The following OPCML variants were observed in gnomAD, a reference collection of about 807,000 sequenced individuals.
OPCML encodes opioid-binding protein/cell adhesion molecule.
OPCML carries 13 observed loss-of-function variants against 37.8 expected under a neutral mutation model. That is an observed-to-expected ratio of 0.34 (90% CI 0.22 to 0.55). OPCML has a LOEUF of 0.55. Among genes scored for constraint, OPCML ranks in the 20% least tolerant of loss-of-function variants. The pLI is 0.91. For missense variants in OPCML, 341 were observed against 435.6 expected (o/e 0.78, Z 1.93); for synonymous variants, 176 against 168.8 (o/e 1.04, Z -0.33).
chr11:133,355,859 G>T (rs1414817666), intron 1 of OPCML, among the ~76,000 whole-genome samples: 2 of 152,204 alleles, frequency 1.3e-5, no homozygotes, highest in African/African-American at 4.8e-5. Flanking sequence ...AGCAAGGTCT[G>T]CAGTTCACAG....
rs1169887839 is a variant in OPCML, at chr11:132,418,059, G to A, written c.*2134C>T. 2 of 152,294 alleles carry A rather than the reference G, an allele frequency of 1.3e-5. No individual in the cohort carries two copies. Among genetic ancestry groups the A allele is most frequent in the Non-Finnish European group, 2.9e-5 (2 of 68,024 alleles). 9.4% of individuals were successfully genotyped at this position (152,294 alleles called of 1,614,324 possible). ...CCTATGTTTGTATGTATGTATATATGTATAGATATCTCTGTGTGTGTTTCC... is the reference window on the plus strand; with the variant it reads ...CCTATGTTTGTATGTATGTATATATATATAGATATCTCTGTGTGTGTTTCC... On this transcript the variant is annotated 3_prime_UTR_variant, in exon 8 of 8. Transcript: ENST00000524381.
intron 3 of OPCML, among the ~76,000 whole-genome samples, chr11:132,541,693 A>G (rs540501335): frequency 2.6e-5 from 4 of 152,282 alleles, no homozygotes; most frequent in African/African-American, 9.6e-5. Context: ...GGGGTTAAAT[A>G]ACTTGCTAAA....
chr11:133,220,570 A>G (rs955862245), intron 1 of OPCML, among the ~76,000 whole-genome samples: 2 of 152,130 alleles, frequency 1.3e-5, no homozygotes, highest in Non-Finnish European at 2.9e-5. Context: ...TGAAGCCAGC[A>G]CATGCTTCCT....
chr11:132,795,575 C>T lies in OPCML; in HGVS notation c.147-138256G>A, dbSNP rs576258887. On this transcript the variant is annotated intron_variant, in intron 2 of 7. Coordinates refer to ENST00000524381, the MANE Select transcript of OPCML (RefSeq NM_001012393.5). ...GTCCCCAAGTCTCTGCACTCCTACT[C>T]CCTGCCTGCCCTAGGAAGCCATGTA... is the stretch of plus-strand genomic sequence containing the variant. 3.8e-4 allele frequency among the ~76,000 whole-genome samples: 58 copies of T among 152,326 alleles called. No homozygotes were observed. In the South Asian group the frequency reaches 0.011, roughly 29 times the overall value.
intron 2 of OPCML, among the ~76,000 whole-genome samples, chr11:132,752,045 T>G (rs1388083275): frequency 6.6e-6 from 1 of 152,134 alleles, no homozygotes; most frequent in Non-Finnish European, 1.5e-5. Flanking sequence ...TACAGAACAA[T>G]GCTTCTCTAG....
chr11:133,117,142 G>T (rs1192702700), intron 1 of OPCML, among the ~76,000 whole-genome samples: 1 of 151,974 alleles, frequency 6.6e-6, no homozygotes, highest in African/African-American at 2.4e-5. Context: ...TCCCAGATTT[G>T]GTTAATGGGA....
At chr11:133,491,157 G>A (rs1472785624) in intron 1 of OPCML, among the ~76,000 whole-genome samples, 2 of 152,206 alleles carry the variant, frequency 1.3e-5, no homozygotes, top group African/African-American at 2.4e-5. Context: ...GTCGGATGAT[G>A]CCCAGGTCGA....
intron 3 of OPCML, among the ~76,000 whole-genome samples, chr11:132,548,926 T>C (rs1004853514): frequency 6.6e-6 from 1 of 152,206 alleles, no homozygotes; most frequent in Non-Finnish European, 1.5e-5. Flanking sequence ...GAGACAATAT[T>C]ATCCTCACTC....
At chr11:132,583,954 T>C (rs934069156) in intron 3 of OPCML, among the ~76,000 whole-genome samples, 1 of 152,016 alleles carries the variant, frequency 6.6e-6, no homozygotes, top group African/African-American at 2.4e-5. Flanking sequence ...TACAGTGTCA[T>C]GTAAGCATTT....
At chr11:132,422,468 T>C (rs1480085658) in intron 7 of OPCML, among the ~76,000 whole-genome samples, 4 of 152,202 alleles carry the variant, frequency 2.6e-5, no homozygotes, top group Admixed American at 6.5e-5. Flanking sequence ...TACAGTCATA[T>C]TCAGCTTCTG....
intron 1 of OPCML, among the ~76,000 whole-genome samples, chr11:133,466,028 T>C (rs1333343936): frequency 6.6e-6 from 1 of 152,214 alleles, no homozygotes; most frequent in Non-Finnish European, 1.5e-5. Context: ...CAGGTTTGGC[T>C]TCAAACTTGG....
At chr11:132,476,445 G>A (rs868084378) in intron 4 of OPCML, among the ~76,000 whole-genome samples, 4 of 152,036 alleles carry the variant, frequency 2.6e-5, no homozygotes, top group Non-Finnish European at 4.4e-5. Flanking sequence ...CAACCCAAAT[G>A]TCCAACAATG....
chr11:132,758,437 C>G (rs1946138596), intron 2 of OPCML, among the ~76,000 whole-genome samples: 1 of 152,168 alleles, frequency 6.6e-6, no homozygotes, highest in South Asian at 2.1e-4. Flanking sequence ...TATCCATGAG[C>G]ATGGAATGAT....
intron 2 of OPCML, among the ~76,000 whole-genome samples, chr11:132,911,056 G>T (rs1306228507): frequency 1.3e-5 from 2 of 152,212 alleles, no homozygotes; most frequent in African/African-American, 4.8e-5. Context: ...CATACATCTG[G>T]ATATTAACGC....
chr11:132,585,065 G>A (rs2096469684), intron 3 of OPCML, among the ~76,000 whole-genome samples: 1 of 152,138 alleles, frequency 6.6e-6, no homozygotes, highest in Admixed American at 6.5e-5. Flanking sequence ...ACTATGTATG[G>A]AGACATCTTT....
At chr11:133,126,735 G>A (rs939759097) in intron 1 of OPCML, among the ~76,000 whole-genome samples, 1 of 152,110 alleles carries the variant, frequency 6.6e-6, no homozygotes, top group Non-Finnish European at 1.5e-5. Flanking sequence ...ACAATGAAGT[G>A]ATTGAGTAAC....
At chr11:133,175,359 G>A (rs956500183) in intron 1 of OPCML, among the ~76,000 whole-genome samples, 2 of 152,058 alleles carry the variant, frequency 1.3e-5, no homozygotes, top group Non-Finnish European at 2.9e-5. Context: ...AGAGCTGGTG[G>A]TGAGAAAGCT....
chr11:132,751,945 T>C (rs542536725), intron 2 of OPCML, among the ~76,000 whole-genome samples: 1 of 152,326 alleles, frequency 6.6e-6, no homozygotes, highest in East Asian at 1.9e-4. Context: ...CCAATAACAC[T>C]ATCTCTGCAT....
intron 3 of OPCML, among the ~76,000 whole-genome samples, chr11:132,633,237 C>T (rs968668659): frequency 2.6e-5 from 4 of 152,234 alleles, no homozygotes; most frequent in Admixed American, 2.6e-4. Context: ...GAGTCTCGCT[C>T]TGTCGCCCAA....
Sources: gnomAD v4.1 joint callset for allele counts (sites outside exome capture counted in the v4.1 genomes callset) on GRCh38, gnomAD v4.1.1 for gene constraint, MANE v1.5 for transcripts, NCBI Gene and HGNC (gene_info 2026-07-23, HGNC 2026-07-21) for gene names.